Variants in ADGRL3 observed in about 807,000 individuals in gnomAD.
The protein encoded by ADGRL3 is adhesion G protein-coupled receptor L3.
Under a neutral mutation model 153.5 loss-of-function variants are expected in ADGRL3, and 62 were observed. The observed-to-expected ratio is 0.40, with a 90% confidence interval of 0.33 to 0.50. The LOEUF is 0.50. Ranked by LOEUF, ADGRL3 falls within the 20% of genes least tolerant of loss-of-function variation. The pLI is 0.47. For missense variants in ADGRL3, 1,641 were observed against 1,859.4 expected (o/e 0.88, Z 2.16); for synonymous variants, 710 against 672.5 (o/e 1.06, Z -0.86).
intron 12 of ADGRL3, among the ~76,000 whole-genome samples, chr4:61,912,475 A>G (rs2098726134): frequency 6.6e-6 from 1 of 152,188 alleles, no homozygotes; most frequent in African/African-American, 2.4e-5. Context: ...ATTTCTTGCT[A>G]TCATTAACAA....
chr4:61,761,696 G>T (rs540005201), intron 8 of ADGRL3, among the ~76,000 whole-genome samples: 1 of 152,316 alleles, frequency 6.6e-6, no homozygotes, highest in African/African-American at 2.4e-5. Context: ...TTGAAAGACT[G>T]AGATAGAAGG....
At chr4:62,023,094 GT>G (rs2099245578) in intron 21 of ADGRL3, among the ~76,000 whole-genome samples, 1 of 152,098 alleles carries the variant, frequency 6.6e-6, no homozygotes, top group Non-Finnish European at 1.5e-5. Context: ...AAGAACATTT[GT>G]GATTCATGGG....
chr4:61,977,543 A>G lies in ADGRL3; in HGVS notation c.2806-2020A>G, dbSNP rs867354795. On this transcript the variant is annotated intron_variant, in intron 17 of 26. Coordinates refer to ENST00000683033, the MANE Select transcript of ADGRL3 (RefSeq NM_001387552.1). The stretch of plus-strand genomic sequence containing the variant: ...TTTCATGACTTGAGCTCCTTCTGAG[A>G]AATATATCAAGAGTTATGCAGGAAT... Among the ~76,000 whole-genome samples the G allele has an allele frequency of 5.9e-5, 9 of 152,288 alleles. No individual in the cohort carries two copies. The South Asian group carries it at 1.0e-3, about 18-fold the overall frequency.
At chr4:61,920,910 A>G (rs2098765917) in intron 13 of ADGRL3, among the ~76,000 whole-genome samples, 1 of 152,170 alleles carries the variant, frequency 6.6e-6, no homozygotes, top group Admixed American at 6.5e-5. Flanking sequence ...GTGTCCAACG[A>G]TTCTGTGTCT....
chr4:61,800,607 A>T (rs1266224478), intron 8 of ADGRL3, among the ~76,000 whole-genome samples: 7 of 152,144 alleles, frequency 4.6e-5, no homozygotes, highest in South Asian at 2.1e-4. Context: ...AGTTGTTTTG[A>T]TAGGGAAGCT....
chr4:61,746,316 A>T (rs2096660338), intron 8 of ADGRL3, among the ~76,000 whole-genome samples: 1 of 147,964 alleles, frequency 6.8e-6, no homozygotes, highest in African/African-American at 2.4e-5. Flanking sequence ...AAAGTTAAAA[A>T]GGATACCCAG....
chr4:61,980,306 A>ATTTTTTTTTTTTTTT (rs756680977), intron 18 of ADGRL3, among the ~76,000 whole-genome samples: 1 of 74,430 alleles, frequency 1.3e-5, no homozygotes, highest in African/African-American at 5.1e-5. Flanking sequence ...GTAACCACTA[A>ATTTTTTTTTTTTTTT]TTTTTTTTTT....
chr4:61,901,040 A>G (rs779490878), intron 11 of ADGRL3, among the ~76,000 whole-genome samples: 7 of 152,212 alleles, frequency 4.6e-5, no homozygotes, highest in Non-Finnish European at 8.8e-5. Context: ...ATTGTGGTTT[A>G]TAATTTCACC....
At chr4:61,947,562 A>T (rs1200573796) in intron 16 of ADGRL3, among the ~76,000 whole-genome samples, 1 of 152,192 alleles carries the variant, frequency 6.6e-6, no homozygotes, top group African/African-American at 2.4e-5. Flanking sequence ...TAACCTTTCT[A>T]CTGTCTACAT....
At position 61,201,760 on chromosome 4, in the gene ADGRL3, C is replaced by A. The variant is rs1353917725; in HGVS notation, c.-245C>A. ...GGACGATCTCAGGGACCGGCGTTTA[C>A]GAAAGGTAATTTATTCTTCGCACTC... On this transcript the variant is annotated 5_prime_UTR_variant, in exon 1 of 27. Coordinates refer to ENST00000683033, the MANE Select transcript of ADGRL3 (RefSeq NM_001387552.1). The A allele has an allele frequency of 6.6e-6, 1 of 152,322 alleles. No individual in the cohort carries two copies. Among genetic ancestry groups the A allele is most frequent in the East Asian group, 1.9e-4 (1 of 5,134 alleles). The allele number at this position is 152,322 out of a possible 1,614,324, so 9.4% of individuals were successfully genotyped here. A position where few individuals can be genotyped will look rare whatever the true frequency, so the allele number is the denominator to read the frequency against.
At chr4:61,355,543 T>A (rs190024352) in intron 1 of ADGRL3, among the ~76,000 whole-genome samples, 1 of 152,202 alleles carries the variant, frequency 6.6e-6, no homozygotes, top group Non-Finnish European at 1.5e-5. Context: ...AACCTGCACT[T>A]TACCTATCTT....
At chr4:61,719,554 T>C (rs931578150) in intron 6 of ADGRL3, among the ~76,000 whole-genome samples, 3 of 152,134 alleles carry the variant, frequency 2.0e-5, no homozygotes, top group African/African-American at 7.2e-5. Context: ...CACTTTCTTC[T>C]TGGCATATTT....
chr4:61,567,672 A>C (rs2098821973), intron 4 of ADGRL3, among the ~76,000 whole-genome samples: 1 of 152,154 alleles, frequency 6.6e-6, no homozygotes, highest in Admixed American at 6.6e-5. Flanking sequence ...ACTAGGACAA[A>C]GCCTTAAGTA....
intron 17 of ADGRL3, among the ~76,000 whole-genome samples, chr4:61,950,809 A>T (rs766855695): frequency 2.6e-5 from 4 of 152,190 alleles, no homozygotes; most frequent in Non-Finnish European, 4.4e-5. Context: ...TTGTTTCAGT[A>T]GCTATTGGAT....
intron 6 of ADGRL3, among the ~76,000 whole-genome samples, chr4:61,727,344 T>C (rs940511829): frequency 2.0e-5 from 3 of 152,154 alleles, no homozygotes; most frequent in African/African-American, 7.2e-5. Flanking sequence ...TAAGGAAATA[T>C]ATAAACATAT....
At chr4:61,643,427 T>C (rs1166963113) in intron 5 of ADGRL3, among the ~76,000 whole-genome samples, 1 of 151,108 alleles carries the variant, frequency 6.6e-6, no homozygotes, top group African/African-American at 2.5e-5. Flanking sequence ...CTGTGGGTTT[T>C]TCATAGATAG....
chr4:61,996,541 A>C (rs572541808), intron 20 of ADGRL3, among the ~76,000 whole-genome samples, 184 bp downstream of exon 20: 1 of 152,328 alleles, frequency 6.6e-6, no homozygotes, highest in Non-Finnish European at 1.5e-5. Flanking sequence ...ATGGTTAATC[A>C]AAACAGGTGG....
intron 9 of ADGRL3, among the ~76,000 whole-genome samples, chr4:61,851,847 T>C (rs902489397): frequency 6.6e-6 from 1 of 152,178 alleles, no homozygotes; most frequent in Non-Finnish European, 1.5e-5. Context: ...TGTGTTGACT[T>C]TTAAAAATCT....
At chr4:61,658,693 C>T (rs1170689686) in intron 5 of ADGRL3, among the ~76,000 whole-genome samples, 2 of 152,140 alleles carry the variant, frequency 1.3e-5, no homozygotes, top group Non-Finnish European at 2.9e-5. Context: ...CAGATCACTA[C>T]GTTACCATCC....
Sources: allele counts gnomAD v4.1 joint callset (sites outside exome capture counted in the v4.1 genomes callset), GRCh38; gene constraint gnomAD v4.1.1; transcripts MANE v1.5; gene names NCBI Gene and HGNC (gene_info 2026-07-23, HGNC 2026-07-21).